Variants in MARCHF7 observed in about 807,000 individuals in gnomAD.
MARCHF7 encodes the protein E3 ubiquitin-protein ligase MARCHF7.
MARCHF7 carries 20 observed loss-of-function variants against 76.5 expected under a neutral mutation model. The ratio of observed to expected loss-of-function variants is 0.26; its 90% confidence interval spans 0.18 to 0.38. MARCHF7 has a LOEUF of 0.38. MARCHF7 is among the 10% of genes least tolerant of loss of function. The pLI, the probability that MARCHF7 is intolerant of heterozygous loss-of-function variation, is 1.00. For missense variants in MARCHF7, 797 were observed against 812.9 expected, an observed-to-expected ratio of 0.98 and a Z score of 0.24; for synonymous variants, 295 against 293.0, an observed-to-expected ratio of 1.01 and a Z score of -0.07.
rs1046664352 is a variant in MARCHF7 at position 159,752,514 on chromosome 2, T to C, written c.1726T>C (p.Leu576=). The C allele has an allele frequency of 1.4e-5, 22 of 1,601,280 alleles. No homozygotes were observed. The Middle Eastern group carries it at 5.0e-4, about 36-fold the overall frequency. Reference sequence around the variant, plus strand: ...AGAGCCATGCAAGTGCACAGGAAGTTTGCAGTATGTCCACCAAGACTGTAT... The same window carrying C: ...AGAGCCATGCAAGTGCACAGGAAGTCTGCAGTATGTCCACCAAGACTGTAT... ...LIEPCKCTGS[L]QYVHQDCMKK... The change falls in exon 8 of 12, where the codon TTG becomes CTG. Residue 576 remains leucine, a synonymous_variant. Coordinates refer to ENST00000409175, the MANE Select transcript of MARCHF7 (RefSeq NM_001282805.2).
intron 3 of MARCHF7, among the ~76,000 whole-genome samples, chr2:159,716,690 G>A (rs1311390669): frequency 6.6e-6 from 1 of 152,024 alleles, no homozygotes; most frequent in African/African-American, 2.4e-5. Context: ...TGATTGCTCT[G>A]GCCTTTGTGC....
chr2:159,748,000 A>G lies in MARCHF7; in HGVS notation c.710A>G (p.Asn237Ser), dbSNP rs780771079. 1.5e-5 allele frequency: 25 copies of G among 1,614,054 alleles called. No individual in the cohort carries two copies. In the Admixed American group the frequency reaches 2.0e-4, roughly 13 times the overall value. Residue 237 changes from asparagine to serine, a missense_variant, in exon 7 of 12, where the codon AAT (asparagine) becomes AGT (serine). Transcript: ENST00000409175. ...SSRESESSRS[N>S]TQPGFSYSSS... is the part of the protein sequence containing the mutation. ...AGAGAATCAGAATCTTCCCGAAGCA[A>G]TACGCAGCCTGGATTTTCTTACAGT... is the stretch of plus-strand genomic sequence containing the variant.
At chr2:159,750,714 A>G (rs1705537209) in intron 7 of MARCHF7, among the ~76,000 whole-genome samples, 1 of 152,316 alleles carries the variant, frequency 6.6e-6, no homozygotes, top group Non-Finnish European at 1.5e-5. Flanking sequence ...TAGTATTAAA[A>G]TAGTTATTAA....
At chr2:159,716,077 T>C (rs913777300) in intron 3 of MARCHF7, among the ~76,000 whole-genome samples, 6 of 151,304 alleles carry the variant, frequency 4.0e-5, no homozygotes, top group African/African-American at 1.2e-4. Flanking sequence ...TTTTTTAAGA[T>C]TTGGGCATGT....
intron 3 of MARCHF7, among the ~76,000 whole-genome samples, chr2:159,725,032 A>G (rs941648050): frequency 3.3e-5 from 5 of 152,152 alleles, no homozygotes; most frequent in African/African-American, 1.2e-4. Context: ...TTATGGCTGC[A>G]TAGTATTCCA....
intron 1 of MARCHF7, among the ~76,000 whole-genome samples, chr2:159,713,347 A>G (rs1178716590): frequency 6.6e-6 from 1 of 152,184 alleles, no homozygotes; most frequent in Non-Finnish European, 1.5e-5. Context: ...CCCTCACCCC[A>G]AAATGCTGCA....
intron 3 of MARCHF7, among the ~76,000 whole-genome samples, chr2:159,718,335 A>AT (rs947179023): frequency 1.3e-5 from 2 of 152,196 alleles, no homozygotes; most frequent in African/African-American, 4.8e-5. Flanking sequence ...TAGGAAATGA[A>AT]TTTTATTAAT....
At chr2:159,745,656 A>AAATAAT (rs760671097) in intron 5 of MARCHF7, 114 bp from the exon 6 acceptor site, 42 of 697,800 alleles carry the variant, frequency 6.0e-5, no homozygotes, top group Admixed American at 7.2e-5. Context: ...ACTCCGTCTC[A>AAATAAT]AATAATAATA....
chr2:159,714,372 A>G (rs542365971), intron 1 of MARCHF7, among the ~76,000 whole-genome samples, 185 bp from the exon 2 acceptor site: 1 of 152,314 alleles, frequency 6.6e-6, no homozygotes, highest in African/African-American at 2.4e-5. Flanking sequence ...TCATCAGACT[A>G]ATGTATAAAC....
In MARCHF7 at chr2:159,745,881, C is replaced by G. The variant is rs1211251278; in HGVS notation, c.458C>G (p.Ser153Cys). 1 of 1,611,872 alleles carries G rather than the reference C, an allele frequency of 6.2e-7. No homozygotes were observed. Among genetic ancestry groups the G allele is most frequent in the Non-Finnish European group, 8.5e-7 (1 of 1,178,484 alleles). The change falls in exon 6 of 12, where the codon TCT becomes TGT. Residue 153 changes from serine to cysteine, a missense_variant. Ser to Cys is a moderately radical substitution (Grantham distance 112). This residue lies in a region of MARCHF7 where 643 missense variants were observed against 631.5 expected (regional missense o/e 1.02). Transcript: ENST00000409175. ...RRDLERRTDS[S>C]ISNLMDYSHR... ...GATTTGGAGAGAAGAACAGATTCCT[C>G]TATTAGTAATCTTATGGATTATAGT...
At chr2:159,715,378 T>C (rs1164503808) in intron 2 of MARCHF7, among the ~76,000 whole-genome samples, 3 of 152,028 alleles carry the variant, frequency 2.0e-5, no homozygotes, top group Non-Finnish European at 4.4e-5. Context: ...AATAATTTTG[T>C]GTGTGTGAGT....
At chr2:159,714,844 G>A (rs139543168) in intron 2 of MARCHF7, among the ~76,000 whole-genome samples, 1 of 152,278 alleles carries the variant, frequency 6.6e-6, no homozygotes, top group East Asian at 1.9e-4. Flanking sequence ...TTGAGCTCAC[G>A]AGTTGCAGAG....
chr2:159,768,429 A>C lies in MARCHF7; in HGVS notation c.*1087A>C, dbSNP rs915126182. On this transcript the variant is annotated 3_prime_UTR_variant, in exon 12 of 12. Transcript: ENST00000409175. Reference sequence around the variant, plus strand: ...TTAGGATACACTTTAAAACACCTTAAGGTCTGATGTTATGGCAACAAACTA... The same window carrying C: ...TTAGGATACACTTTAAAACACCTTACGGTCTGATGTTATGGCAACAAACTA... 1 of 152,604 alleles carries C rather than the reference A, an allele frequency of 6.6e-6. No homozygotes were observed. The highest frequency in any genetic ancestry group is 6.5e-5 in the Admixed American group (1 of 15,276). The allele number at this position is 152,604 out of a possible 1,614,324, so 9.5% of individuals were successfully genotyped here.
chr2:159,739,492 A>G (rs1235942835), intron 4 of MARCHF7, among the ~76,000 whole-genome samples: 1 of 152,256 alleles, frequency 6.6e-6, no homozygotes, highest in African/African-American at 2.4e-5. Flanking sequence ...ATAAGTGAAA[A>G]CAACCCCAAA....
Position 159,755,598 on chromosome 2 carries a change from A to G in MARCHF7, c.1783+3027A>G, listed in dbSNP as rs1706195615. 2.0e-5 allele frequency among the ~76,000 whole-genome samples: 3 copies of G among 152,330 alleles called. No individual in the cohort carries two copies. The South Asian group carries it at 6.2e-4, about 32-fold the overall frequency. On this transcript the variant is annotated intron_variant, in intron 8 of 11. Transcript: ENST00000409175. ...AGTCAGGAGGCACTGTGGTTCAGGC[A>G]TGAAAGTAAAGAGATAGTTCAAAAA...
intron 3 of MARCHF7, among the ~76,000 whole-genome samples, chr2:159,719,868 T>C (rs1701438275): frequency 6.6e-6 from 1 of 152,224 alleles, no homozygotes; most frequent in Admixed American, 6.5e-5. Context: ...CATATTCTTC[T>C]GTCGGGGCAT....
At chr2:159,765,078 G>T (rs1455739569) in intron 11 of MARCHF7, among the ~76,000 whole-genome samples, 1 of 152,072 alleles carries the variant, frequency 6.6e-6, no homozygotes, top group East Asian at 1.9e-4. Flanking sequence ...GATCATAAGA[G>T]ATTATTCCTG....
intron 5 of MARCHF7, among the ~76,000 whole-genome samples, chr2:159,744,267 C>T (rs887548492): frequency 6.6e-6 from 1 of 152,014 alleles, no homozygotes; most frequent in East Asian, 1.9e-4. Context: ...GGATTACAGG[C>T]GTGAGCCACC....
At position 159,748,530 on chromosome 2, in the gene MARCHF7, A is replaced by G; in HGVS notation, c.1240A>G (p.Thr414Ala). 1 of 1,614,150 alleles carries G rather than the reference A, an allele frequency of 6.2e-7. No homozygotes were observed. The highest frequency in any genetic ancestry group is 8.5e-7 in the Non-Finnish European group (1 of 1,180,008). Reference sequence around the variant, plus strand: ...AAGAGATGAATCTTCAAGGATACCTACCTCTGATACATCATCTAGATCTCA... The same window carrying G: ...AAGAGATGAATCTTCAAGGATACCTGCCTCTGATACATCATCTAGATCTCA... ...EGRDESSRIP[T>A]SDTSSRSHIF... Residue 414 changes from threonine to alanine, a missense_variant, in exon 7 of 12, where the codon ACC (threonine) becomes GCC (alanine). Physicochemically the swap from Thr to Ala is moderately conservative, Grantham distance 58 (BLOSUM62 0). This residue lies in a region of MARCHF7 where 643 missense variants were observed against 631.5 expected (regional missense o/e 1.02). Transcript: ENST00000409175.
Sources: gnomAD v4.1 joint callset for allele counts (sites outside exome capture counted in the v4.1 genomes callset) on GRCh38, gnomAD v4.1.1 for gene constraint, gnomAD v4.1.1 regional missense constraint, MANE v1.5 for transcripts, NCBI Gene and HGNC (gene_info 2026-07-23, HGNC 2026-07-21) for gene names.